Variants in ZBBX observed in about 807,000 individuals in gnomAD.
ZBBX encodes zinc finger B-box domain-containing protein 1.
ZBBX carries 101 observed loss-of-function variants against 108.5 expected under a neutral mutation model. That is an observed-to-expected ratio of 0.93 (90% CI 0.79 to 1.10). The LOEUF (loss-of-function observed/expected upper bound fraction) is 1.10, where lower values mean the gene tolerates loss of function less well. Ranked by LOEUF, ZBBX falls within the 50% of genes least tolerant of loss-of-function variation. The pLI is 0.00. For synonymous variants in ZBBX, 356 were observed against 323.4 expected (o/e 1.10, Z -1.08); for missense variants, 1,009 against 941.4 (o/e 1.07, Z -0.94).
intron 19 of ZBBX, 124 bp downstream of exon 19, chr3:167,288,743 G>A: frequency 4.3e-6 from 2 of 468,568 alleles, no homozygotes. Context: ...TAGTTAAAAT[G>A]AATGAATTTA....
intron 18 of ZBBX, among the ~76,000 whole-genome samples, chr3:167,292,412 C>T (rs138715917): frequency 0.051 from 7,736 of 152,118 alleles, 525 homozygotes; most frequent in African/African-American, 0.15. Context: ...CAAAACTGCA[C>T]GACTACATGA....
At chr3:167,235,071 C>A (rs1720177344), downstream of ZBBX, among the ~76,000 whole-genome samples, 2 of 151,716 alleles carry the variant, frequency 1.3e-5, no homozygotes, top group African/African-American at 2.4e-5. Context: ...CCAGACTTAA[C>A]TTCCTTACCA....
the ZBBX span, among the ~76,000 whole-genome samples, chr3:167,215,061 C>A: frequency 2.0e-5 from 3 of 151,860 alleles, no homozygotes; most frequent in African/African-American, 7.3e-5. Context: ...AACCTAACTT[C>A]GCAACGGAAA....
intron 20 of ZBBX, among the ~76,000 whole-genome samples, chr3:167,245,477 C>T (rs987546617): frequency 6.6e-6 from 1 of 152,130 alleles, no homozygotes; most frequent in African/African-American, 2.4e-5. Context: ...CATCCCTTTA[C>T]CTTCACTCTG....
rs1737390603 is a variant in ZBBX, at chr3:167,326,445, C to T, written c.862+1497G>A. ...TTATAACCAAGTCTTTCAAAATAAG[C>T]ATTCATTATTTTATCATACAGTTAT... is the stretch of plus-strand genomic sequence containing the variant. On this transcript the variant is annotated intron_variant, in intron 11 of 21. Transcript: ENST00000675490. Among the ~76,000 whole-genome samples, 4 of 151,990 alleles carry T rather than the reference C, an allele frequency of 2.6e-5. No individual in the cohort carries two copies. The South Asian group carries it at 8.3e-4, about 31-fold the overall frequency.
chr3:167,208,697 C>A, the ZBBX span, among the ~76,000 whole-genome samples: 1 of 152,196 alleles, frequency 6.6e-6, no homozygotes, highest in Non-Finnish European at 1.5e-5. Context: ...AGATGAGAAT[C>A]AGAGATATAT....
At chr3:167,263,487 G>C (rs1724942308) in intron 20 of ZBBX, among the ~76,000 whole-genome samples, 1 of 152,052 alleles carries the variant, frequency 6.6e-6, no homozygotes, top group African/African-American at 2.4e-5. Flanking sequence ...TTGATACACT[G>C]GTCATTTGGG....
the ZBBX span, among the ~76,000 whole-genome samples, chr3:167,217,995 G>A: frequency 1.3e-5 from 2 of 150,764 alleles, no homozygotes; most frequent in African/African-American, 4.9e-5. Flanking sequence ...TGCCCACCTT[G>A]GCCTCCCAAA....
At chr3:167,331,162 T>C (rs1312022824) in intron 10 of ZBBX, among the ~76,000 whole-genome samples, 1 of 129,038 alleles carries the variant, frequency 7.7e-6, no homozygotes, top group Non-Finnish European at 1.6e-5. Flanking sequence ...TGGAGGTATT[T>C]TGTTATGGCA....
At chr3:167,295,740 T>C (rs1731551214) in intron 18 of ZBBX, among the ~76,000 whole-genome samples, 1 of 44,414 alleles carries the variant, frequency 2.3e-5, no homozygotes, top group Non-Finnish European at 3.7e-5. Flanking sequence ...TATATATATA[T>C]ATATATATAT....
chr3:167,194,941 G>A, the ZBBX span, among the ~76,000 whole-genome samples: 1 of 152,094 alleles, frequency 6.6e-6, no homozygotes, highest in African/African-American at 2.4e-5. Context: ...CCTTGACAAG[G>A]ACCAGAAGCA....
chr3:167,368,744 T>C (rs1012263590), intron 4 of ZBBX, 170 bp from the exon 5 acceptor site: 1 of 1,270,296 alleles, frequency 7.9e-7, no homozygotes, highest in Non-Finnish European at 9.9e-7. Flanking sequence ...TTGCCTTCCA[T>C]CAAAATCCTG....
chr3:167,215,431 AG>A, the ZBBX span, among the ~76,000 whole-genome samples: 2 of 152,180 alleles, frequency 1.3e-5, no homozygotes, highest in Admixed American at 6.6e-5. Context: ...TGAGCCAGGA[AG>A]AAATTAATTT....
intron 9 of ZBBX, among the ~76,000 whole-genome samples, chr3:167,342,191 A>G (rs1740648284): frequency 6.6e-6 from 1 of 151,858 alleles, no homozygotes; most frequent in African/African-American, 2.4e-5. Flanking sequence ...AGACCAATGA[A>G]CATAACATAT....
chr3:167,400,996 G>A (rs543592899), intron 1 of ZBBX, among the ~76,000 whole-genome samples: 46 of 152,212 alleles, frequency 3.0e-4, no homozygotes, highest in African/African-American at 1.1e-3. Flanking sequence ...CTTTAGCTTA[G>A]TGATTTTGGG....
chr3:167,345,664 T>C (rs1030767271), intron 9 of ZBBX, among the ~76,000 whole-genome samples: 4 of 151,710 alleles, frequency 2.6e-5, no homozygotes, highest in Admixed American at 6.6e-5. Flanking sequence ...TTCTGTGGTC[T>C]CCCATCAAGC....
chr3:167,353,776 C>T (rs1187948298), intron 8 of ZBBX, among the ~76,000 whole-genome samples: 1 of 151,848 alleles, frequency 6.6e-6, no homozygotes, highest in East Asian at 1.9e-4. Context: ...GAAGAGATAA[C>T]AAAAGAACAT....
At chr3:167,207,386 G>GT in the ZBBX span, among the ~76,000 whole-genome samples, 1 of 152,050 alleles carries the variant, frequency 6.6e-6, no homozygotes, top group East Asian at 1.9e-4. Flanking sequence ...TCCTAGTGTG[G>GT]TCCCCTCCAC....
chr3:167,272,654 C>T (rs1321311339), intron 20 of ZBBX, among the ~76,000 whole-genome samples: 2 of 152,158 alleles, frequency 1.3e-5, no homozygotes, highest in Admixed American at 1.3e-4. Context: ...TCAAACACAC[C>T]CCAAGTTATT....
Sources: allele counts gnomAD v4.1 joint callset (sites outside exome capture counted in the v4.1 genomes callset), GRCh38; gene constraint gnomAD v4.1.1; transcripts MANE v1.5; gene names NCBI Gene and HGNC (gene_info 2026-07-23, HGNC 2026-07-21).